Variants in KCNH1 observed in about 807,000 individuals in gnomAD.
KCNH1 encodes the protein voltage-gated delayed rectifier potassium channel KCNH1.
In KCNH1, 27 loss-of-function variants were observed where a neutral mutation model predicts 69.2. That is an observed-to-expected ratio of 0.39 (90% confidence interval 0.29 to 0.54). The LOEUF (loss-of-function observed/expected upper bound fraction) is 0.54, where lower values mean the gene tolerates loss of function less well. KCNH1 is among the 20% of genes least tolerant of loss of function. KCNH1 has a pLI of 0.68. For synonymous variants in KCNH1, 456 were observed against 487.7 expected (o/e 0.93, Z 0.86); for missense variants, 798 against 1,261.6 (o/e 0.63, Z 5.57).
intron 6 of KCNH1, among the ~76,000 whole-genome samples, chr1:210,931,860 A>C (rs1687686533): frequency 6.6e-6 from 1 of 151,104 alleles, no homozygotes; most frequent in Admixed American, 6.6e-5. Flanking sequence ...AAAACAATCC[A>C]GGGTGTCAAC....
chr1:210,834,966 A>G (rs55646513), intron 7 of KCNH1, among the ~76,000 whole-genome samples: 41,557 of 151,994 alleles, frequency 0.27, 5,842 homozygotes, highest in African/African-American at 0.35. Flanking sequence ...GCTACCTTGT[A>G]TGGCTGACAG....
chr1:210,792,783 A>C (rs1684234712), intron 9 of KCNH1, among the ~76,000 whole-genome samples: 1 of 152,172 alleles, frequency 6.6e-6, no homozygotes, highest in Non-Finnish European at 1.5e-5. Flanking sequence ...AACATTACTA[A>C]GGGGACACTA....
intron 5 of KCNH1, among the ~76,000 whole-genome samples, chr1:211,031,487 A>G (rs1689784351): frequency 1.3e-5 from 2 of 152,222 alleles, no homozygotes; most frequent in Admixed American, 6.5e-5. Context: ...TGATGCAAAA[A>G]TCCTCAATAA....
chr1:210,823,660 T>C (rs1684977218), intron 7 of KCNH1, among the ~76,000 whole-genome samples: 1 of 152,190 alleles, frequency 6.6e-6, no homozygotes, highest in African/African-American at 2.4e-5. Flanking sequence ...GATTATGTCA[T>C]TAAATCCTCA....
intron 6 of KCNH1, among the ~76,000 whole-genome samples, chr1:210,948,170 A>C (rs1012051474): frequency 6.6e-6 from 1 of 151,518 alleles, no homozygotes; most frequent in Admixed American, 6.6e-5. Context: ...GTGAGCTGTG[A>C]TACTCTAGCA....
chr1:210,749,342 A>T (rs992970857), intron 10 of KCNH1, among the ~76,000 whole-genome samples: 15 of 152,140 alleles, frequency 9.9e-5, no homozygotes, highest in Non-Finnish European at 2.2e-4. Flanking sequence ...AAGTAAAAGG[A>T]GATAATGGAT....
intron 6 of KCNH1, among the ~76,000 whole-genome samples, chr1:211,018,286 T>C (rs569991019): frequency 3.0e-4 from 45 of 152,292 alleles, no homozygotes; most frequent in African/African-American, 1.1e-3. Flanking sequence ...CCAAACTCAT[T>C]TTAGCAAAGA....
At chr1:210,713,479 G>T (rs1175418788) in intron 10 of KCNH1, among the ~76,000 whole-genome samples, 1 of 152,178 alleles carries the variant, frequency 6.6e-6, no homozygotes, top group Non-Finnish European at 1.5e-5. Flanking sequence ...TAATTGCCAG[G>T]ACTGTGGTAG....
chr1:210,901,779 GAGA>G (rs1687000105), intron 7 of KCNH1, among the ~76,000 whole-genome samples: 1 of 152,186 alleles, frequency 6.6e-6, no homozygotes, highest in Non-Finnish European at 1.5e-5. Context: ...TCTTGAGAAA[GAGA>G]AGAATAGTTT....
chr1:210,875,429 T>A (rs1375480980), intron 7 of KCNH1, among the ~76,000 whole-genome samples: 1 of 152,210 alleles, frequency 6.6e-6, no homozygotes, highest in Admixed American at 6.5e-5. Context: ...GAAATGCAAC[T>A]GAATCATGAG....
intron 9 of KCNH1, among the ~76,000 whole-genome samples, chr1:210,776,160 A>C (rs937335110): frequency 6.6e-6 from 1 of 152,160 alleles, no homozygotes; most frequent in Non-Finnish European, 1.5e-5. Flanking sequence ...GAAGTCAGAC[A>C]AGTGCAGAGT....
At chr1:210,945,845 A>G (rs1687949327) in intron 6 of KCNH1, among the ~76,000 whole-genome samples, 1 of 152,060 alleles carries the variant, frequency 6.6e-6, no homozygotes, top group African/African-American at 2.4e-5. Context: ...TCCAAAAAGG[A>G]CTTCCCTCAC....
At chr1:210,894,812 C>T (rs907016745) in intron 7 of KCNH1, among the ~76,000 whole-genome samples, 2 of 152,300 alleles carry the variant, frequency 1.3e-5, no homozygotes, top group East Asian at 3.9e-4. Context: ...TCTTGGGCTT[C>T]CCAGCTTTCT....
chr1:210,961,092 G>T (rs1427396094), intron 6 of KCNH1, among the ~76,000 whole-genome samples: 4 of 151,928 alleles, frequency 2.6e-5, no homozygotes, highest in African/African-American at 9.7e-5. Flanking sequence ...ATCATGTCTG[G>T]GTCAGTTTTC....
chr1:210,903,396 C>T (rs892467907), intron 7 of KCNH1, among the ~76,000 whole-genome samples: 12 of 152,184 alleles, frequency 7.9e-5, no homozygotes, highest in African/African-American at 2.9e-4. Flanking sequence ...ATTAAATTAG[C>T]AACCTCTCTG....
chr1:210,933,066 T>C (rs1163111343), intron 6 of KCNH1, among the ~76,000 whole-genome samples: 4 of 152,216 alleles, frequency 2.6e-5, no homozygotes, highest in Non-Finnish European at 5.9e-5. Context: ...ATTTCTGTTA[T>C]CAGCAAAAGG....
chr1:210,965,162 T>G (rs899528255), intron 6 of KCNH1, among the ~76,000 whole-genome samples: 3 of 152,134 alleles, frequency 2.0e-5, no homozygotes, highest in African/African-American at 7.2e-5. Context: ...GGGCAAAAAC[T>G]GGAAGCATTC....
At chr1:211,031,354 A>G (rs915083668) in intron 5 of KCNH1, among the ~76,000 whole-genome samples, 4 of 152,230 alleles carry the variant, frequency 2.6e-5, no homozygotes, top group African/African-American at 9.6e-5. Context: ...AACTATTCCA[A>G]TCAATAGAAA....
chr1:210,762,629 T>C (rs138668161), intron 10 of KCNH1, among the ~76,000 whole-genome samples: 467 of 152,034 alleles, frequency 3.1e-3, no homozygotes, highest in African/African-American at 0.011. Flanking sequence ...CTAGAAGAAA[T>C]TGATAAATCT....
Sources: gnomAD v4.1 joint callset for allele counts (sites outside exome capture counted in the v4.1 genomes callset) on GRCh38, gnomAD v4.1.1 for gene constraint, MANE v1.5 for transcripts, NCBI Gene and HGNC (gene_info 2026-07-23, HGNC 2026-07-21) for gene names.